HSF1: variants seen among roughly 807,000 people sequenced by gnomAD.
HSF1 encodes heat shock factor protein 1.
Under a neutral mutation model 51.7 loss-of-function variants are expected in HSF1, and 32 were observed. That is an observed-to-expected ratio of 0.62 (90% CI 0.47 to 0.83). The LOEUF (loss-of-function observed/expected upper bound fraction) is 0.83. Among genes scored for constraint, HSF1 ranks in the 40% least tolerant of loss-of-function variants. HSF1 has a pLI of 0.00. For missense variants in HSF1, 727 were observed against 717.0 expected, an observed-to-expected ratio of 1.01 and a Z score of -0.16; for synonymous variants, 396 against 309.7, an observed-to-expected ratio of 1.28 and a Z score of -2.92.
intron 1 of HSF1, among the ~76,000 whole-genome samples, chr8:144,302,346 A>C (rs1223062458): frequency 6.7e-6 from 1 of 150,342 alleles, no homozygotes; most frequent in Non-Finnish European, 1.5e-5. Context: ...GTCTCTACTG[A>C]AAATACAAAA....
At chr8:144,302,428 A>G (rs1554842523) in intron 1 of HSF1, among the ~76,000 whole-genome samples, 2 of 150,558 alleles carry the variant, frequency 1.3e-5, no homozygotes, top group Non-Finnish European at 3.0e-5. Context: ...AATCGCATGA[A>G]CCCGGGAGGC....
rs782232459 is a variant in HSF1 at position 144,311,989 on chromosome 8, G to A, written c.887G>A (p.Arg296His). Reference protein sequence around the residue: ...ERPLSSSPLVRVKEEPPSPPQ... With the variant: ...ERPLSSSPLVHVKEEPPSPPQ... ...CCCCTATCCAGCAGCCCCCTGGTGC[G>A]TGTCAAGGAGGAGCCCCCCAGCCCG... is the stretch of plus-strand genomic sequence containing the variant. The change falls in exon 9 of 13, where the codon CGT becomes CAT. Residue 296 changes from arginine (R) to histidine (H), a missense_variant. Around this residue, in one of 2 missense-constraint regions of HSF1, gnomAD observed 470 missense variants for 398.8 expected, o/e 1.18. Transcript: ENST00000528838. 355 of 1,592,482 alleles carry A rather than the reference G, an allele frequency of 2.2e-4. No individual in the cohort carries two copies. Among genetic ancestry groups the A allele is most frequent in the Non-Finnish European group, 2.9e-4 (336 of 1,169,906 alleles).
intron 1 of HSF1, among the ~76,000 whole-genome samples, chr8:144,306,278 C>CT (rs782540831): frequency 2.8e-3 from 385 of 139,424 alleles, no homozygotes; most frequent in Admixed American, 4.8e-3. Flanking sequence ...TATTGATTGC[C>CT]TTTTTTTTTT....
chr8:144,314,624 T>G lies in HSF1; in HGVS notation c.*294T>G. 2.1e-6 allele frequency: 1 copy of G among 480,892 alleles called. No homozygotes were observed. The highest frequency in any genetic ancestry group is 3.8e-6 in the Non-Finnish European group (1 of 263,392). 29.8% of individuals were successfully genotyped at this position (480,892 alleles called of 1,614,324 possible). A position where few individuals can be genotyped will look rare whatever the true frequency, so the allele number is the denominator to read the frequency against. On this transcript the variant is annotated 3_prime_UTR_variant, in exon 13 of 13. Transcript: ENST00000528838. ...ATTGTATTTTGGATTTTTACACAACTGTCCCGTTCCCCGCTCCACAGAGAT... is the reference window on the plus strand; with the variant it reads ...ATTGTATTTTGGATTTTTACACAACGGTCCCGTTCCCCGCTCCACAGAGAT...
In HSF1 at chr8:144,312,185, T is replaced by TTGCCC; in HGVS notation, c.1083_1084insTGCCC (p.Pro362CysfsTer17). The TTGCCC allele has an allele frequency of 6.5e-7, 1 of 1,532,950 alleles. No homozygotes were observed. The highest frequency in any genetic ancestry group is 8.9e-7 in the Non-Finnish European group (1 of 1,117,510). 95.0% of individuals were successfully genotyped at this position (1,532,950 alleles called of 1,614,324 possible). ...GCCACACGGACACCGAGGGCCGGCC[T>TTGCCC]CCCTCCCCCCCGCCCACCTCCACCC... On this transcript the variant is annotated frameshift_variant, in exon 9 of 13. Transcript: ENST00000528838. LOFTEE classifies it high-confidence loss of function.
At chr8:144,299,434 C>G (rs1181453458) in intron 1 of HSF1, among the ~76,000 whole-genome samples, 1 of 111,476 alleles carries the variant, frequency 9.0e-6, no homozygotes, top group Non-Finnish European at 2.1e-5. Context: ...AAGACTCCTT[C>G]TAAAAAAAAA....
intron 1 of HSF1, among the ~76,000 whole-genome samples, chr8:144,298,784 C>T (rs1322807582): frequency 1.3e-5 from 2 of 152,134 alleles, no homozygotes; most frequent in Non-Finnish European, 2.9e-5. Flanking sequence ...GGAGTTACGC[C>T]CAAAACAAAG....
At chr8:144,307,435 G>A (rs1331546366) in intron 1 of HSF1, among the ~76,000 whole-genome samples, 3 of 152,230 alleles carry the variant, frequency 2.0e-5, no homozygotes, top group African/African-American at 7.2e-5. Flanking sequence ...TGGGAATAGG[G>A]CATGTAAAAT....
intron 4 of HSF1, chr8:144,310,515 G>C (rs1339502008): frequency 5.1e-5 from 8 of 155,536 alleles, no homozygotes; most frequent in African/African-American, 1.9e-4. Flanking sequence ...AGGCGCTCTT[G>C]ACCCCCACGT....
In HSF1 at chr8:144,314,430, C is replaced by T. The variant is rs373669643; in HGVS notation, c.*100C>T. On this transcript the variant is annotated 3_prime_UTR_variant, in exon 13 of 13. Coordinates refer to ENST00000528838, the MANE Select transcript of HSF1 (RefSeq NM_005526.4). ...CTCGCGGTCTTGGGCACTGGTGGGT[C>T]GGCCGCCATAGCCCCAGTAGGACAA... The T allele has an allele frequency of 6.9e-6, 7 of 1,020,550 alleles. No individual in the cohort carries two copies. Among genetic ancestry groups the T allele is most frequent in the African/African-American group, 1.6e-5 (1 of 62,290 alleles). The allele number at this position is 1,020,550 out of a possible 1,614,324, so 63.2% of individuals were successfully genotyped here.
At chr8:144,304,208 G>C (rs1816073240) in intron 1 of HSF1, among the ~76,000 whole-genome samples, 1 of 152,184 alleles carries the variant, frequency 6.6e-6, no homozygotes, top group Admixed American at 6.5e-5. Flanking sequence ...TGGTGAGCTG[G>C]GGTGAGAGGG....
chr8:144,308,300 G>A (rs1052898587), intron 1 of HSF1, among the ~76,000 whole-genome samples: 1 of 152,230 alleles, frequency 6.6e-6, no homozygotes, highest in Non-Finnish European at 1.5e-5. Flanking sequence ...TCCCTCACCA[G>A]CGCCTCCTGA....
Position 144,298,586 on chromosome 8 carries a change from G to A in HSF1, c.117+6712G>A, listed in dbSNP as rs140732220. Among the ~76,000 whole-genome samples the A allele has an allele frequency of 3.7e-3, 534 of 144,412 alleles. 4 individuals carry two copies. Among genetic ancestry groups the A allele is most frequent in the African/African-American group, 0.013 (487 of 38,848 alleles). 94.7% of individuals were successfully genotyped at this position (144,412 alleles called of 152,430 possible). A position where few individuals can be genotyped will look rare whatever the true frequency, so the allele number is the denominator to read the frequency against. On this transcript the variant is annotated intron_variant, in intron 1 of 12. Transcript: ENST00000528838. Reference sequence around the variant, plus strand: ...CGCCGCTGCGCTCCAGCCACAGAGCGAGAAACTGTCTCAAAAAAAAAAAAA... The same window carrying A: ...CGCCGCTGCGCTCCAGCCACAGAGCAAGAAACTGTCTCAAAAAAAAAAAAA...
intron 4 of HSF1, chr8:144,310,121 C>CTCTGCACAT: frequency 1.8e-6 from 1 of 562,572 alleles, no homozygotes; most frequent in Non-Finnish European, 3.1e-6. Context: ...GGGAGGGTCC[C>CTCTGCACAT]CTGCTCTGCA....
At chr8:144,296,730 C>T (rs1554841364) in intron 1 of HSF1, among the ~76,000 whole-genome samples, 2 of 152,046 alleles carry the variant, frequency 1.3e-5, no homozygotes, top group South Asian at 4.2e-4. Context: ...CGGCGTGAAC[C>T]CAGGAGGCGG....
Position 144,309,603 on chromosome 8 carries a change from C to T in HSF1, c.363+12C>T, listed in dbSNP as rs781908810. ...GGAAAGTGACCAGTGTGAGTGCCGG[C>T]CCTGCACCCTTGCCCGGTCTCACCT... is the stretch of plus-strand genomic sequence containing the variant. On this transcript the variant is annotated intron_variant, in intron 3 of 12. Transcript: ENST00000528838. 4 of 1,613,414 alleles carry T rather than the reference C, an allele frequency of 2.5e-6. No individual in the cohort carries two copies. The highest frequency in any genetic ancestry group is 2.5e-6 in the Non-Finnish European group (3 of 1,179,792).
Position 144,313,869 on chromosome 8 carries a change from G to C in HSF1, c.1272G>C (p.Val424=). The C allele has an allele frequency of 1.2e-6, 2 of 1,601,390 alleles. No individual in the cohort carries two copies. The highest frequency in any genetic ancestry group is 1.7e-6 in the Non-Finnish European group (2 of 1,176,918). ...LLDLFSPSVT[V]PDMSLPDLDS... is the part of the protein sequence containing the mutation. ...AGCTGTTCAGCCCCTCGGTGACCGT[G>C]CCCGACATGAGCCTGCCTGACCTTG... The change falls in exon 11 of 13, where the codon GTG becomes GTC. Residue 424 remains valine, a synonymous_variant. Transcript: ENST00000528838.
chr8:144,305,580 C>T (rs1020276825), intron 1 of HSF1, among the ~76,000 whole-genome samples: 1 of 152,130 alleles, frequency 6.6e-6, no homozygotes, highest in South Asian at 2.1e-4. Flanking sequence ...AGATTACAGG[C>T]GTGAGCCACT....
At chr8:144,298,887 A>G (rs1391268627) in intron 1 of HSF1, among the ~76,000 whole-genome samples, 1 of 152,220 alleles carries the variant, frequency 6.6e-6, no homozygotes, top group African/African-American at 2.4e-5. Flanking sequence ...CTGGACCAAG[A>G]GCAACTTGAA....
Sources: gnomAD v4.1 joint callset for allele counts (sites outside exome capture counted in the v4.1 genomes callset) on GRCh38, gnomAD v4.1.1 for gene constraint, gnomAD v4.1.1 regional missense constraint, MANE v1.5 for transcripts, NCBI Gene and HGNC (gene_info 2026-07-23, HGNC 2026-07-21) for gene names.